P3H2: variants seen among roughly 807,000 people sequenced by gnomAD.
P3H2 encodes the protein leprecan-like 1.
In P3H2, 80 loss-of-function variants were observed where a neutral mutation model predicts 87.0. That is an observed-to-expected ratio of 0.92 (90% confidence interval 0.77 to 1.11). The LOEUF is 1.11. Among genes scored for constraint, P3H2 ranks in the 50% least tolerant of loss-of-function variants. The pLI is 0.00. For missense variants in P3H2, 1,001 were observed against 923.9 expected (o/e 1.08, Z -1.08); for synonymous variants, 367 against 359.3 (o/e 1.02, Z -0.24).
At chr3:189,968,621 T>C (rs1294316037) in intron 13 of P3H2, among the ~76,000 whole-genome samples, 1 of 152,316 alleles carries the variant, frequency 6.6e-6, no homozygotes, top group South Asian at 2.1e-4. Flanking sequence ...GTAATGGGAT[T>C]GCTGGGTCAA....
chr3:190,067,214 C>A (rs975415094), intron 1 of P3H2, among the ~76,000 whole-genome samples: 6 of 151,896 alleles, frequency 4.0e-5, no homozygotes, highest in African/African-American at 1.5e-4. Flanking sequence ...ATACCTTTTG[C>A]AGACATGATT....
At chr3:189,965,256 T>C (rs1722939513) in intron 13 of P3H2, among the ~76,000 whole-genome samples, 1 of 152,222 alleles carries the variant, frequency 6.6e-6, no homozygotes, top group African/African-American at 2.4e-5. Flanking sequence ...CCTTGGTTGC[T>C]ACATAACATA....
intron 1 of P3H2, among the ~76,000 whole-genome samples, chr3:190,066,143 G>GTGTATATATATA (rs58939026): frequency 2.9e-5 from 4 of 138,792 alleles, no homozygotes; most frequent in African/African-American, 8.6e-5. Flanking sequence ...ACTGTGGTGT[G>GTGTATATATATA]TATATATATA....
intron 1 of P3H2, among the ~76,000 whole-genome samples, chr3:190,075,330 A>G (rs1370710885): frequency 6.6e-6 from 1 of 152,098 alleles, no homozygotes; most frequent in Non-Finnish European, 1.5e-5. Flanking sequence ...TACTAAAAAT[A>G]CAAAAAAATT....
chr3:189,969,164 G>A lies in P3H2; in HGVS notation c.1893+1652C>T, dbSNP rs183725758. 167 of 642,080 alleles carry A rather than the reference G, an allele frequency of 2.6e-4. 1 individual carries two copies. In the African/African-American group the frequency reaches 2.7e-3, roughly 10 times the overall value. 39.8% of individuals were successfully genotyped at this position (642,080 alleles called of 1,614,324 possible). ...TTTTCTTTCGGGGTCTGTAAGTCCC[G>A]GTCCACCAAAACTGCTTCCTCGTGC... On this transcript the variant is annotated intron_variant, in intron 13 of 14. Coordinates refer to ENST00000319332, the MANE Select transcript of P3H2 (RefSeq NM_018192.4).
rs1724083723 is a variant in P3H2 at position 189,997,373 on chromosome 3, G to A, written c.481-1931C>T. 2.6e-5 allele frequency among the ~76,000 whole-genome samples: 4 copies of A among 152,132 alleles called. 1 individual carries two copies. The South Asian group carries it at 6.2e-4, about 24-fold the overall frequency. On this transcript the variant is annotated intron_variant, in intron 1 of 14. Transcript: ENST00000319332. ...TCACATTAGTTATCGTTTTCATGGT[G>A]GAATCTAAAATATGCTCAATCCATT...
intron 1 of P3H2, among the ~76,000 whole-genome samples, chr3:190,036,731 A>T (rs561454737): frequency 5.4e-4 from 82 of 152,216 alleles, no homozygotes; most frequent in African/African-American, 1.8e-3. Context: ...AGTTCCCCCA[A>T]GTTCCCTCTG....
intron 1 of P3H2, among the ~76,000 whole-genome samples, chr3:190,043,766 G>A (rs1009214040): frequency 6.6e-6 from 1 of 152,108 alleles, no homozygotes. Context: ...ATGAGAGTAG[G>A]AATTATGAAC....
chr3:190,053,869 A>G (rs1726066363), intron 1 of P3H2, among the ~76,000 whole-genome samples: 1 of 152,168 alleles, frequency 6.6e-6, no homozygotes, highest in Non-Finnish European at 1.5e-5. Flanking sequence ...TATTTTTCAA[A>G]TCCAGAGTTA....
At chr3:190,081,501 A>G (rs1321802908) in intron 1 of P3H2, among the ~76,000 whole-genome samples, 1 of 152,248 alleles carries the variant, frequency 6.6e-6, no homozygotes, top group Non-Finnish European at 1.5e-5. Flanking sequence ...TTTGGAAAAA[A>G]GAGAAAGGGC....
intron 1 of P3H2, among the ~76,000 whole-genome samples, chr3:190,011,955 ACTT>A (rs1426204285): frequency 6.6e-6 from 1 of 152,170 alleles, no homozygotes; most frequent in Non-Finnish European, 1.5e-5. Context: ...ATAATTGACT[ACTT>A]CTAATTTTTT....
At chr3:190,054,801 G>A (rs1331366801) in intron 1 of P3H2, among the ~76,000 whole-genome samples, 2 of 151,982 alleles carry the variant, frequency 1.3e-5, no homozygotes, top group African/African-American at 4.8e-5. Context: ...TCAGTATTAT[G>A]AGTAGAAACT....
rs1478903375 is a variant in P3H2, at chr3:189,972,027, G to A, written c.1700-20C>T. Reference sequence around the variant, plus strand: ...GCTGACCTGCCAGAAAAGGGAATAGGGAAGAACGAGAAATGAAGTGCAGCA... The same window carrying A: ...GCTGACCTGCCAGAAAAGGGAATAGAGAAGAACGAGAAATGAAGTGCAGCA... On this transcript the variant is annotated intron_variant, in intron 11 of 14. Coordinates refer to ENST00000319332, the MANE Select transcript of P3H2 (RefSeq NM_018192.4). The A allele has an allele frequency of 2.1e-6, 3 of 1,449,668 alleles. No individual in the cohort carries two copies. The highest frequency in any genetic ancestry group is 1.9e-6 in the Non-Finnish European group (2 of 1,030,446). 89.8% of individuals were successfully genotyped at this position (1,449,668 alleles called of 1,614,324 possible). A position where few individuals can be genotyped will look rare whatever the true frequency, so the allele number is the denominator to read the frequency against.
chr3:189,984,962 T>C (rs114986756), intron 6 of P3H2, among the ~76,000 whole-genome samples: 1 of 152,134 alleles, frequency 6.6e-6, no homozygotes, highest in African/African-American at 2.4e-5. Flanking sequence ...AATTGAGCTT[T>C]AGTAATCATC....
At chr3:190,023,452 G>A (rs1453795013) in intron 1 of P3H2, among the ~76,000 whole-genome samples, 1 of 152,142 alleles carries the variant, frequency 6.6e-6, no homozygotes, top group Non-Finnish European at 1.5e-5. Flanking sequence ...ATGGCGAAGG[G>A]GAAGCAATGA....
intron 8 of P3H2, among the ~76,000 whole-genome samples, chr3:189,978,942 G>A (rs1163094206): frequency 2.0e-5 from 3 of 152,154 alleles, no homozygotes; most frequent in African/African-American, 4.8e-5. Context: ...CGTTTATAAA[G>A]TATGTGCCTG....
chr3:190,109,258 T>C (rs1482258712), intron 1 of P3H2, among the ~76,000 whole-genome samples: 1 of 152,222 alleles, frequency 6.6e-6, no homozygotes. Flanking sequence ...CCTCTATTTC[T>C]GTATCAGTCT....
At position 189,967,533 on chromosome 3, in the gene P3H2, TG is replaced by T. The variant is rs573228083; in HGVS notation, c.1893+3282del. Among the ~76,000 whole-genome samples the T allele has an allele frequency of 6.9e-3, 1,036 of 150,772 alleles. 8 individuals are homozygous for T. The highest frequency in any genetic ancestry group is 8.7e-3 in the Non-Finnish European group (589 of 67,826). ...TGAAACTGCGAAATGCCAGTATTTTTGTACCTCAGTTTCAGTGTTAGCAGAG... is the reference window on the plus strand; with the variant it reads ...TGAAACTGCGAAATGCCAGTATTTTTTACCTCAGTTTCAGTGTTAGCAGAG... On this transcript the variant is annotated intron_variant, in intron 13 of 14. Transcript: ENST00000319332.
At chr3:190,065,738 C>G (rs1232632743) in intron 1 of P3H2, among the ~76,000 whole-genome samples, 1 of 152,100 alleles carries the variant, frequency 6.6e-6, no homozygotes, top group African/African-American at 2.4e-5. Context: ...GTAAACCATT[C>G]TGGGCTACTG....
Sources: allele counts gnomAD v4.1 joint callset (sites outside exome capture counted in the v4.1 genomes callset), GRCh38; gene constraint gnomAD v4.1.1; transcripts MANE v1.5; gene names NCBI Gene and HGNC (gene_info 2026-07-23, HGNC 2026-07-21).